Variants in JAZF1 observed in about 807,000 individuals in gnomAD.
JAZF1 encodes JAZF zinc finger 1.
In JAZF1, 8 loss-of-function variants were observed where a neutral mutation model predicts 26.4. The ratio of observed to expected loss-of-function variants is 0.30; its 90% confidence interval spans 0.18 to 0.55. The LOEUF is 0.55. Ranked by LOEUF, JAZF1 falls within the 20% of genes least tolerant of loss-of-function variation. The pLI, the probability that JAZF1 is intolerant of heterozygous loss-of-function variation, is 0.94. For synonymous variants in JAZF1, 126 were observed against 122.3 expected (o/e 1.03, Z -0.20); for missense variants, 199 against 322.0 (o/e 0.62, Z 2.92).
At chr7:28,064,809 T>C (rs190302416) in intron 1 of JAZF1, among the ~76,000 whole-genome samples, 13 of 152,320 alleles carry the variant, frequency 8.5e-5, no homozygotes, top group Non-Finnish European at 1.6e-4. Flanking sequence ...AGGGTACAAT[T>C]TCAGAGGCAC....
intron 1 of JAZF1, among the ~76,000 whole-genome samples, chr7:28,067,856 G>A (rs948397341): frequency 1.3e-5 from 2 of 152,110 alleles, no homozygotes; most frequent in Non-Finnish European, 2.9e-5. Context: ...CTAGACTTCA[G>A]CCTCAGTCTC....
intron 1 of JAZF1, among the ~76,000 whole-genome samples, chr7:28,116,154 G>T (rs1784738107): frequency 6.6e-6 from 1 of 152,214 alleles, no homozygotes; most frequent in African/African-American, 2.4e-5. Flanking sequence ...TGTATCTGCA[G>T]GAGTAATTGC....
At chr7:28,050,806 T>C (rs1201481370) in intron 1 of JAZF1, among the ~76,000 whole-genome samples, 3 of 152,208 alleles carry the variant, frequency 2.0e-5, no homozygotes, top group Admixed American at 2.0e-4. Flanking sequence ...CTTTTGTTAT[T>C]GATTCAGTCA....
chr7:28,093,869 G>A (rs1334486788), intron 1 of JAZF1, among the ~76,000 whole-genome samples: 3 of 152,196 alleles, frequency 2.0e-5, no homozygotes, highest in African/African-American at 7.2e-5. Context: ...ATGCCTTTTA[G>A]AATGAGCTGC....
At chr7:27,904,661 G>GT (rs11430410) in intron 2 of JAZF1, among the ~76,000 whole-genome samples, 55,976 of 151,896 alleles carry the variant, frequency 0.37, 10,514 homozygotes, top group East Asian at 0.49. Context: ...AACTTTTGCA[G>GT]TATCACCGAA....
At chr7:28,134,035 A>T (rs1014012089) in intron 1 of JAZF1, among the ~76,000 whole-genome samples, 1 of 152,120 alleles carries the variant, frequency 6.6e-6, no homozygotes, top group African/African-American at 2.4e-5. Flanking sequence ...TGTCTTCCAT[A>T]CTACAACCCA....
At chr7:28,098,440 C>T (rs940698896) in intron 1 of JAZF1, among the ~76,000 whole-genome samples, 3 of 152,220 alleles carry the variant, frequency 2.0e-5, no homozygotes, top group African/African-American at 7.2e-5. Flanking sequence ...TCTTCTTCAT[C>T]TTTATGCCTT....
chr7:27,875,881 A>G (rs1783670202), intron 3 of JAZF1, among the ~76,000 whole-genome samples: 1 of 152,238 alleles, frequency 6.6e-6, no homozygotes, highest in South Asian at 2.1e-4. Context: ...GCTAAAATGA[A>G]TGTTATGGAA....
chr7:27,981,416 C>A (rs907903990), intron 2 of JAZF1, among the ~76,000 whole-genome samples: 1 of 152,150 alleles, frequency 6.6e-6, no homozygotes, highest in Admixed American at 6.5e-5. Context: ...GGATGCTAGA[C>A]TAGACTGACC....
intron 2 of JAZF1, among the ~76,000 whole-genome samples, chr7:27,942,589 G>A (rs1784865118): frequency 6.6e-6 from 1 of 152,182 alleles, no homozygotes; most frequent in East Asian, 1.9e-4. Flanking sequence ...AGAGAAGAAA[G>A]GTTAAACGAC....
intron 2 of JAZF1, among the ~76,000 whole-genome samples, chr7:27,952,276 G>A (rs1290389191): frequency 1.3e-5 from 2 of 152,170 alleles, no homozygotes; most frequent in East Asian, 3.9e-4. Context: ...AGGTGGGGAG[G>A]GGTCAGAGAA....
intron 2 of JAZF1, among the ~76,000 whole-genome samples, chr7:27,938,247 CCT>C (rs1374975835): frequency 6.6e-6 from 1 of 152,160 alleles, no homozygotes; most frequent in Non-Finnish European, 1.5e-5. Flanking sequence ...TATTTTATGT[CCT>C]CTTCTCTTTA....
chr7:28,062,384 T>C (rs572806296), intron 1 of JAZF1, among the ~76,000 whole-genome samples: 1 of 152,252 alleles, frequency 6.6e-6, no homozygotes, highest in African/African-American at 2.4e-5. Flanking sequence ...TGCTGCTGCT[T>C]CACTGTCCTT....
At chr7:27,987,618 G>T (rs980436858) in intron 2 of JAZF1, among the ~76,000 whole-genome samples, 3 of 149,952 alleles carry the variant, frequency 2.0e-5, no homozygotes, top group Admixed American at 2.0e-4. Flanking sequence ...GGAGATGGGG[G>T]GTGCCTCTGC....
At chr7:28,076,164 C>T (rs965834457) in intron 1 of JAZF1, among the ~76,000 whole-genome samples, 6 of 152,172 alleles carry the variant, frequency 3.9e-5, no homozygotes, top group South Asian at 2.1e-4. Flanking sequence ...CTTCCGCTCC[C>T]GGCTCATTAT....
intron 1 of JAZF1, among the ~76,000 whole-genome samples, chr7:28,146,583 C>T (rs936871966): frequency 5.9e-5 from 9 of 152,176 alleles, no homozygotes; most frequent in African/African-American, 2.2e-4. Context: ...GCAGAGTGAT[C>T]ATTATCAACA....
chr7:28,089,080 A>G (rs1005688247), intron 1 of JAZF1, among the ~76,000 whole-genome samples: 13 of 152,242 alleles, frequency 8.5e-5, no homozygotes, highest in African/African-American at 3.1e-4. Flanking sequence ...TCCAATGAGC[A>G]ATACAAGAGG....
intron 1 of JAZF1, among the ~76,000 whole-genome samples, chr7:28,043,600 C>T (rs766983577): frequency 2.0e-5 from 3 of 152,080 alleles, no homozygotes; most frequent in Non-Finnish European, 4.4e-5. Context: ...CAAAGTTGAA[C>T]GTAGAATTAC....
At chr7:28,175,452 GTAGA>G (rs1343894393) in intron 1 of JAZF1, among the ~76,000 whole-genome samples, 3 of 152,154 alleles carry the variant, frequency 2.0e-5, no homozygotes, top group African/African-American at 7.2e-5. Flanking sequence ...ACTTATTATT[GTAGA>G]TAAACACTTC....
Sources: allele counts gnomAD v4.1 joint callset (sites outside exome capture counted in the v4.1 genomes callset), GRCh38; gene constraint gnomAD v4.1.1; transcripts MANE v1.5; gene names NCBI Gene and HGNC (gene_info 2026-07-23, HGNC 2026-07-21).